MACROH2A1: variants seen among roughly 807,000 people sequenced by gnomAD.
The protein encoded by MACROH2A1 is core histone macro-H2A.1.
MACROH2A1 carries 2 observed loss-of-function variants against 31.6 expected under a neutral mutation model. That is an observed-to-expected ratio of 0.06 (90% CI 0.03 to 0.20). The LOEUF (loss-of-function observed/expected upper bound fraction) is 0.20, where lower values mean the gene tolerates loss of function less well. Among genes scored for constraint, MACROH2A1 ranks in the 10% least tolerant of loss-of-function variants. MACROH2A1 has a pLI of 1.00. For synonymous variants in MACROH2A1, 169 were observed against 189.6 expected (o/e 0.89, Z 0.89); for missense variants, 230 against 474.0 (o/e 0.49, Z 4.78).
At chr5:135,379,415 T>G (rs1765352342) in intron 2 of MACROH2A1, among the ~76,000 whole-genome samples, 1 of 152,066 alleles carries the variant, frequency 6.6e-6, no homozygotes, top group African/African-American at 2.4e-5. Flanking sequence ...TTAGGCTGAG[T>G]GGAGCAGCCT....
rs1397322856 is a variant in MACROH2A1, at chr5:135,342,626, T to C, written c.953+634A>G. ...TCGTGAAGACCTTGGTGAGTCTACCTGGGGATTTTCTGGGACAGGAAGTGG... is the reference window on the plus strand; with the variant it reads ...TCGTGAAGACCTTGGTGAGTCTACCCGGGGATTTTCTGGGACAGGAAGTGG... On this transcript the variant is annotated intron_variant, in intron 8 of 8. Coordinates refer to ENST00000511689, the MANE Select transcript of MACROH2A1 (RefSeq NM_138610.3). Among the ~76,000 whole-genome samples, 3 of 152,294 alleles carry C rather than the reference T, an allele frequency of 2.0e-5. No homozygotes were observed. The East Asian group carries it at 5.8e-4, about 29-fold the overall frequency.
intron 2 of MACROH2A1, among the ~76,000 whole-genome samples, chr5:135,388,667 T>C (rs1285808402): frequency 6.6e-6 from 1 of 152,238 alleles, no homozygotes; most frequent in East Asian, 1.9e-4. Flanking sequence ...ATGGACTATG[T>C]AACAGCCAAA....
At position 135,369,037 on chromosome 5, in the gene MACROH2A1, G is replaced by A. The variant is rs1763862013; in HGVS notation, c.477+369C>T. ...GAGCATCAGGGCATGCAGGTAGCTGGCCACAGGACTAGACAGTGGCTGTCC... is the reference window on the plus strand; with the variant it reads ...GAGCATCAGGGCATGCAGGTAGCTGACCACAGGACTAGACAGTGGCTGTCC... On this transcript the variant is annotated intron_variant, in intron 4 of 8. Coordinates refer to ENST00000511689, the MANE Select transcript of MACROH2A1 (RefSeq NM_138610.3). The surrounding 1 kb of genome is among the most constrained non-coding windows in gnomAD (Gnocchi z 4.3). Among the ~76,000 whole-genome samples, 1 of 152,236 alleles carries A rather than the reference G, an allele frequency of 6.6e-6. No homozygotes were observed. Among genetic ancestry groups the A allele is most frequent in the South Asian group, 2.1e-4 (1 of 4,834 alleles).
rs1763942727 is a variant in MACROH2A1 at position 135,369,643 on chromosome 5, C to A, written c.280-40G>T. On this transcript the variant is annotated intron_variant, in intron 3 of 8. Transcript: ENST00000511689. The surrounding 1 kb of genome is among the most constrained non-coding windows in gnomAD (Gnocchi z 4.3). ...AGAATAGCAGATAGTGAGCCAGATA[C>A]CCTGCTTCTAACCTTCAAGAAGCCA... The A allele has an allele frequency of 6.6e-7, 1 of 1,524,506 alleles. No individual in the cohort carries two copies. The highest frequency in any genetic ancestry group is 9.1e-7 in the Non-Finnish European group (1 of 1,100,184). The allele number at this position is 1,524,506 out of a possible 1,614,324, so 94.4% of individuals were successfully genotyped here. A position where few individuals can be genotyped will look rare whatever the true frequency, so the allele number is the denominator to read the frequency against.
At chr5:135,364,731 TATTCTAATGTTTGAACAACCTAAA>T (rs1763281659) in intron 4 of MACROH2A1, among the ~76,000 whole-genome samples, 2 of 152,234 alleles carry the variant, frequency 1.3e-5, no homozygotes, top group South Asian at 4.1e-4. Flanking sequence ...TTTAGTCTCT[TATTCTAATGTTTGAACAACCTAAA>T]ATTTCAATAG....
intron 6 of MACROH2A1, among the ~76,000 whole-genome samples, chr5:135,349,031 G>A (rs964171281): frequency 7.9e-5 from 12 of 152,210 alleles, no homozygotes. Flanking sequence ...GGGTCTGCCT[G>A]TTACTTCCTC....
chr5:135,343,766 G>C (rs561568526), intron 7 of MACROH2A1: 87 of 319,646 alleles, frequency 2.7e-4, no homozygotes, highest in Non-Finnish European at 4.8e-4. Context: ...AACTCAACGT[G>C]TCAGAACATT....
Position 135,369,364 on chromosome 5 carries a change from C to T in MACROH2A1, c.477+42G>A. 6.6e-7 allele frequency: 1 copy of T among 1,519,712 alleles called. No individual in the cohort carries two copies. Among genetic ancestry groups the T allele is most frequent in the South Asian group, 1.1e-5 (1 of 89,134 alleles). The allele number at this position is 1,519,712 out of a possible 1,614,324, so 94.1% of individuals were successfully genotyped here. ...CCCTGGTAACCCTGTTTATCCGTACCCCATCCTATCCCACTTCATACATTC... is the reference window on the plus strand; with the variant it reads ...CCCTGGTAACCCTGTTTATCCGTACTCCATCCTATCCCACTTCATACATTC... On this transcript the variant is annotated intron_variant, in intron 4 of 8. Transcript: ENST00000511689. This position sits in a 1 kb window ranked among gnomAD's most constrained non-coding sequence, Gnocchi z 4.3.
At chr5:135,377,729 T>C (rs927169265) in intron 2 of MACROH2A1, among the ~76,000 whole-genome samples, 1 of 152,228 alleles carries the variant, frequency 6.6e-6, no homozygotes, top group Non-Finnish European at 1.5e-5. Context: ...AAAATAATTA[T>C]AACACTGGAT....
chr5:135,370,808 T>C (rs1401962699), intron 2 of MACROH2A1, among the ~76,000 whole-genome samples: 2 of 152,208 alleles, frequency 1.3e-5, no homozygotes, highest in African/African-American at 2.4e-5. Flanking sequence ...TAATAAAAGC[T>C]AGGAAAGTCA....
chr5:135,379,729 C>T lies in MACROH2A1; in HGVS notation c.172+9193G>A, dbSNP rs532736945. ...CATTTGTGGAATTCTTACCTTCTTC[C>T]TTCTCCTTTCAGTGACAAAGTGTTA... On this transcript the variant is annotated intron_variant, in intron 2 of 8. Coordinates refer to ENST00000511689, the MANE Select transcript of MACROH2A1 (RefSeq NM_138610.3). Among the ~76,000 whole-genome samples, 21 of 152,268 alleles carry T rather than the reference C, an allele frequency of 1.4e-4. No individual in the cohort carries two copies. The South Asian group carries it at 4.4e-3, about 32-fold the overall frequency.
chr5:135,335,253 G>T, intron 8 of MACROH2A1, 112 bp from the exon 9 acceptor site: 2 of 760,568 alleles, frequency 2.6e-6, no homozygotes, highest in South Asian at 3.4e-5. Flanking sequence ...GTGTTGGGTC[G>T]GTGTCTGTTG....
At chr5:135,371,370 A>T (rs1418680152) in intron 2 of MACROH2A1, among the ~76,000 whole-genome samples, 1 of 152,256 alleles carries the variant, frequency 6.6e-6, no homozygotes, top group South Asian at 2.1e-4. Context: ...ACAAATATGT[A>T]AGGTGATGAA....
intron 2 of MACROH2A1, among the ~76,000 whole-genome samples, chr5:135,377,676 G>C (rs1197318040): frequency 6.6e-6 from 1 of 152,194 alleles, no homozygotes; most frequent in Non-Finnish European, 1.5e-5. Context: ...ACTCCCTTTT[G>C]TGCTGTTTGA....
At chr5:135,373,050 G>A (rs181237014) in intron 2 of MACROH2A1, among the ~76,000 whole-genome samples, 11 of 152,324 alleles carry the variant, frequency 7.2e-5, no homozygotes, top group African/African-American at 2.6e-4. Flanking sequence ...GCCCACAGTG[G>A]TGACCTGTTT....
chr5:135,362,545 A>G (rs1415241231), intron 4 of MACROH2A1: 1 of 152,218 alleles, frequency 6.6e-6, no homozygotes, highest in African/African-American at 2.4e-5. Context: ...AATATATAAA[A>G]ATAGGATGCT....
Position 135,357,974 on chromosome 5 carries a change from T to TACAC in MACROH2A1, c.588+2522_588+2523insGTGT, listed in dbSNP as rs1425709305. The TACAC allele has an allele frequency of 4.1e-6, 4 of 985,214 alleles. No individual in the cohort carries two copies. The African/African-American group carries it at 7.0e-5, about 17-fold the overall frequency. 61.0% of individuals were successfully genotyped at this position (985,214 alleles called of 1,614,324 possible). On this transcript the variant is annotated intron_variant, in intron 5 of 8. Coordinates refer to ENST00000511689, the MANE Select transcript of MACROH2A1 (RefSeq NM_138610.3). Reference sequence around the variant, plus strand: ...CTTGCTTGCAATCTTCAAGCACTGGTTTCAGTGTCACAGATAGAAAAATGA... The same window carrying TACAC: ...CTTGCTTGCAATCTTCAAGCACTGGTACACTTCAGTGTCACAGATAGAAAAATGA...
intron 4 of MACROH2A1, among the ~76,000 whole-genome samples, chr5:135,367,455 T>G (rs914601657): frequency 3.9e-5 from 6 of 152,232 alleles, no homozygotes; most frequent in Admixed American, 3.9e-4. Flanking sequence ...CAAATATAGC[T>G]ACTAGGAGCT....
rs149981934 is a variant in MACROH2A1 at position 135,367,078 on chromosome 5, C to T, written c.477+2328G>A. On this transcript the variant is annotated intron_variant, in intron 4 of 8. Coordinates refer to ENST00000511689, the MANE Select transcript of MACROH2A1 (RefSeq NM_138610.3). The stretch of plus-strand genomic sequence containing the variant: ...ATGATTTGGAATTCAAGTGTTGACA[C>T]CTGAAAAATACCAACTCTCACTACA... Among the ~76,000 whole-genome samples the T allele has an allele frequency of 1.5e-4, 23 of 152,298 alleles. No individual in the cohort carries two copies. In the East Asian group the frequency reaches 4.4e-3, roughly 29 times the overall value.
Sources: allele counts gnomAD v4.1 joint callset (sites outside exome capture counted in the v4.1 genomes callset), GRCh38; gene constraint gnomAD v4.1.1; non-coding constraint Gnocchi (gnomAD v3.1); transcripts MANE v1.5; gene names NCBI Gene and HGNC (gene_info 2026-07-23, HGNC 2026-07-21).